Variants in PDZRN4 observed in about 807,000 individuals in gnomAD.
The protein encoded by PDZRN4 is PDZ domain-containing RING finger protein 4.
In PDZRN4, 70 loss-of-function variants were observed where a neutral mutation model predicts 99.0. That is an observed-to-expected ratio of 0.71 (90% CI 0.58 to 0.86). The LOEUF is 0.86. PDZRN4 is among the 40% of genes least tolerant of loss of function. The pLI, the probability that PDZRN4 is intolerant of heterozygous loss-of-function variation, is 0.00. For missense variants in PDZRN4, 1,474 were observed against 1,331.2 expected, an observed-to-expected ratio of 1.11 and a Z score of -1.67; for synonymous variants, 551 against 501.6, an observed-to-expected ratio of 1.10 and a Z score of -1.32.
intron 3 of PDZRN4, among the ~76,000 whole-genome samples, chr12:41,470,317 A>G (rs1952973885): frequency 6.6e-6 from 1 of 151,636 alleles, no homozygotes; most frequent in African/African-American, 2.4e-5. Context: ...TCCAGGAGAG[A>G]AAAAAAAATT....
chr12:41,504,719 C>T lies in PDZRN4; in HGVS notation c.844-1737C>T, dbSNP rs10880083. Among the ~76,000 whole-genome samples the T allele has an allele frequency of 3.2e-3, 488 of 152,154 alleles. 16 individuals carry two copies. The East Asian group carries it at 0.087, about 27-fold the overall frequency. On this transcript the variant is annotated intron_variant, in intron 3 of 9. Transcript: ENST00000402685. ...CATAGGTGTCTCATGTCCACATATCCTCATGTGCCCCAAGTCAGATATTCC... is the reference window on the plus strand; with the variant it reads ...CATAGGTGTCTCATGTCCACATATCTTCATGTGCCCCAAGTCAGATATTCC...
At chr12:41,565,662 G>A (rs1481177348) in intron 8 of PDZRN4, among the ~76,000 whole-genome samples, 2 of 151,876 alleles carry the variant, frequency 1.3e-5, no homozygotes, top group East Asian at 3.9e-4. Flanking sequence ...GGGCAGTATT[G>A]TACATCTGTG....
At chr12:41,209,520 C>T (rs377089578) in intron 3 of PDZRN4, among the ~76,000 whole-genome samples, 34 of 143,450 alleles carry the variant, frequency 2.4e-4, no homozygotes, top group East Asian at 1.7e-3. Context: ...CAACAGGCCC[C>T]GATGTGTGAT....
intron 3 of PDZRN4, among the ~76,000 whole-genome samples, chr12:41,212,419 T>C (rs911452804): frequency 6.6e-6 from 1 of 152,052 alleles, no homozygotes; most frequent in African/African-American, 2.4e-5. Context: ...AATACCCATG[T>C]CCTCTAAATA....
intron 3 of PDZRN4, among the ~76,000 whole-genome samples, chr12:41,251,692 A>G (rs930113789): frequency 7.9e-5 from 12 of 152,222 alleles, no homozygotes; most frequent in African/African-American, 2.7e-4. Context: ...ATGATCTATG[A>G]TAAATCATCC....
intron 3 of PDZRN4, among the ~76,000 whole-genome samples, chr12:41,323,595 A>G: frequency 6.6e-6 from 1 of 152,128 alleles, no homozygotes; most frequent in Middle Eastern, 3.5e-3. Context: ...GTAGAATAAG[A>G]AGAGTATAAT....
intron 3 of PDZRN4, among the ~76,000 whole-genome samples, chr12:41,466,759 T>TTG (rs1952929850): frequency 6.6e-6 from 1 of 151,766 alleles, no homozygotes; most frequent in Non-Finnish European, 1.5e-5. Flanking sequence ...GTGTTTTTTT[T>TTG]TTTTTTTTTG....
At chr12:41,505,448 G>A (rs961473497) in intron 3 of PDZRN4, among the ~76,000 whole-genome samples, 3 of 152,092 alleles carry the variant, frequency 2.0e-5, no homozygotes, top group Non-Finnish European at 4.4e-5. Context: ...GTGTTATCAG[G>A]ACTCATTTTA....
At chr12:41,309,084 T>C (rs890614692) in intron 3 of PDZRN4, among the ~76,000 whole-genome samples, 8 of 152,044 alleles carry the variant, frequency 5.3e-5, no homozygotes, top group Admixed American at 2.0e-4. Flanking sequence ...TCAAAAACAA[T>C]ACTATAAAAG....
chr12:41,474,827 T>C (rs1953024949), intron 3 of PDZRN4, among the ~76,000 whole-genome samples: 1 of 152,206 alleles, frequency 6.6e-6, no homozygotes. Flanking sequence ...ACTAATTAAA[T>C]ATGAAACATA....
chr12:41,573,026 G>C lies in PDZRN4; in HGVS notation c.2247G>C (p.Pro749=), dbSNP rs774520858. ...CAGCTGAGAGCTGCAGAAGTACTCC[G>C]CTCACTGTAGACCGTTCCCCTGACA... ...YNTAESCRST[P]LTVDRSPDSS... Residue 749 remains proline (P), a synonymous_variant, in exon 10 of 10, where the codon CCG becomes CCC. Coordinates refer to ENST00000402685, the MANE Select transcript of PDZRN4 (RefSeq NM_001164595.2). The C allele has an allele frequency of 1.9e-6, 3 of 1,613,944 alleles. No individual in the cohort carries two copies. The highest frequency in any genetic ancestry group is 4.5e-5 in the East Asian group (2 of 44,884).
chr12:41,188,615 C>T lies in PDZRN4; in HGVS notation c.160C>T (p.Leu54=). Residue 54 remains leucine, a synonymous_variant, in exon 1 of 10, where the codon CTG becomes TTG. Transcript: ENST00000402685. ...PWAVRRRRCP[L]QCQPLAPGEL... ...GGCGGTGCGGAGGCGCCGGTGCCCG[C>T]TGCAGTGCCAGCCCTTGGCGCCCGG... 6.5e-7 allele frequency: 1 copy of T among 1,539,766 alleles called. No individual in the cohort carries two copies. Among genetic ancestry groups the T allele is most frequent in the Non-Finnish European group, 8.7e-7 (1 of 1,149,544 alleles).
At chr12:41,215,457 G>A (rs1950914103) in intron 3 of PDZRN4, among the ~76,000 whole-genome samples, 1 of 151,924 alleles carries the variant, frequency 6.6e-6, no homozygotes, top group South Asian at 2.1e-4. Flanking sequence ...AATGCCATTT[G>A]AATATCACTT....
chr12:41,434,798 T>G lies in PDZRN4; in HGVS notation c.844-71658T>G, dbSNP rs188559894. 4.9e-3 allele frequency among the ~76,000 whole-genome samples: 748 copies of G among 152,346 alleles called. 5 individuals are homozygous for G. The highest frequency in any genetic ancestry group is 0.017 in the Middle Eastern group (5 of 294). ...CTAAGGATACTTGGAAAGATAGTTC[T>G]TCATTCCCTACTTATTTTTTATCCC... On this transcript the variant is annotated intron_variant, in intron 3 of 9. Transcript: ENST00000402685.
At chr12:41,447,307 C>A (rs1952737692) in intron 3 of PDZRN4, among the ~76,000 whole-genome samples, 1 of 152,032 alleles carries the variant, frequency 6.6e-6, no homozygotes, top group Non-Finnish European at 1.5e-5. Flanking sequence ...GAGTTATGAG[C>A]CTCAGTGTTA....
At chr12:41,411,142 C>A (rs1013918643) in intron 3 of PDZRN4, among the ~76,000 whole-genome samples, 1 of 151,726 alleles carries the variant, frequency 6.6e-6, no homozygotes, top group Non-Finnish European at 1.5e-5. Context: ...CTTAAGCAGT[C>A]CTCCTGCCTC....
chr12:41,228,846 T>A (rs1951012176), intron 3 of PDZRN4, among the ~76,000 whole-genome samples: 1 of 152,092 alleles, frequency 6.6e-6, no homozygotes, highest in Admixed American at 6.6e-5. Context: ...TCAAACTCTT[T>A]GTGTTTTTAT....
intron 3 of PDZRN4, among the ~76,000 whole-genome samples, chr12:41,427,070 G>A (rs1470333046): frequency 6.6e-6 from 1 of 152,156 alleles, no homozygotes; most frequent in Middle Eastern, 3.2e-3. Flanking sequence ...GAACTTGGAT[G>A]GTCCATGTCT....
chr12:41,222,576 T>A (rs533591418), intron 3 of PDZRN4, among the ~76,000 whole-genome samples: 34 of 152,288 alleles, frequency 2.2e-4, no homozygotes, highest in Admixed American at 3.9e-4. Flanking sequence ...TGGAGTGCAG[T>A]GGTGCAAGCT....
Sources: allele counts gnomAD v4.1 joint callset (sites outside exome capture counted in the v4.1 genomes callset), GRCh38; gene constraint gnomAD v4.1.1; transcripts MANE v1.5; gene names NCBI Gene and HGNC (gene_info 2026-07-23, HGNC 2026-07-21).